The following PRKCD variants were observed in gnomAD, a reference collection of about 807,000 sequenced individuals.
The protein encoded by PRKCD is protein kinase C delta, also known as protein kinase C delta type.
In PRKCD, 20 loss-of-function variants were observed where a neutral mutation model predicts 82.2. The ratio of observed to expected loss-of-function variants is 0.24; its 90% CI spans 0.17 to 0.35. The LOEUF (loss-of-function observed/expected upper bound fraction) is 0.35. Ranked by LOEUF, PRKCD falls within the 10% of genes least tolerant of loss-of-function variation. The pLI, the probability that PRKCD is intolerant of heterozygous loss-of-function variation, is 1.00. For missense variants in PRKCD, 607 were observed against 899.0 expected (o/e 0.68, Z 4.15); for synonymous variants, 317 against 337.0 (o/e 0.94, Z 0.65).
chr3:53,182,883 C>A (rs1034783301), intron 7 of PRKCD, among the ~76,000 whole-genome samples: 1 of 152,226 alleles, frequency 6.6e-6, no homozygotes, highest in Non-Finnish European at 1.5e-5. Flanking sequence ...ACTAGGACTC[C>A]TTCTTTCTAA....
intron 2 of PRKCD, among the ~76,000 whole-genome samples, chr3:53,177,986 C>T (rs1232616625): frequency 6.8e-6 from 1 of 146,964 alleles, no homozygotes; most frequent in Non-Finnish European, 1.5e-5. Flanking sequence ...GCTCTTGTCA[C>T]CCAGGCTGGA....
At chr3:53,183,077 C>G (rs1262515537) in intron 7 of PRKCD, 44 bp from the exon 8 acceptor site, 8 of 1,598,806 alleles carry the variant, frequency 5.0e-6, no homozygotes, top group Non-Finnish European at 6.9e-6. Flanking sequence ...CTCTGCCCCT[C>G]CCGGTGCTTT....
At chr3:53,167,714 T>C (rs1575523964) in intron 2 of PRKCD, among the ~76,000 whole-genome samples, 3 of 152,206 alleles carry the variant, frequency 2.0e-5, no homozygotes, top group South Asian at 4.1e-4. Flanking sequence ...ATGGGAACTA[T>C]TCAAAAAATA....
Position 53,186,263 on chromosome 3 carries a change from A to G in PRKCD, c.1183A>G (p.Met395Val). The G allele has an allele frequency of 6.2e-7, 1 of 1,614,158 alleles. No individual in the cohort carries two copies. Among genetic ancestry groups the G allele is most frequent in the South Asian group, 1.1e-5 (1 of 91,088 alleles). Residue 395 changes from methionine (M) to valine (V), a missense_variant, in exon 13 of 19, where the codon ATG becomes GTG. Physicochemically the swap from Met to Val is conservative, Grantham distance 21 (BLOSUM62 1). Around this residue, in one of 5 missense-constraint regions of PRKCD, gnomAD observed 251 missense variants for 423.9 expected, o/e 0.59. Coordinates refer to ENST00000330452, the MANE Select transcript of PRKCD (RefSeq NM_006254.4). ...VLIDDDVECT[M>V]VEKRVLTLAA... is the part of the protein sequence containing the mutation. Reference sequence around the variant, plus strand: ...GATCGACGACGACGTGGAGTGCACCATGGTTGAGAAGCGGGTGCTGACACT... The same window carrying G: ...GATCGACGACGACGTGGAGTGCACCGTGGTTGAGAAGCGGGTGCTGACACT...
chr3:53,188,482 C>T (rs1392059113), intron 15 of PRKCD, among the ~76,000 whole-genome samples: 1 of 152,170 alleles, frequency 6.6e-6, no homozygotes, highest in African/African-American at 2.4e-5. Flanking sequence ...GTTTGAGCCC[C>T]ATTTGGGCTT....
intron 14 of PRKCD, among the ~76,000 whole-genome samples, 155 bp from the exon 15 acceptor site, chr3:53,187,185 A>G (rs1264261446): frequency 6.6e-6 from 1 of 151,366 alleles, no homozygotes; most frequent in Non-Finnish European, 1.5e-5. Context: ...GCCAGCCCCC[A>G]CTTGCCTGAT....
chr3:53,179,552 C>A (rs1553666740), intron 3 of PRKCD, 25 bp from the exon 4 acceptor site: 2 of 1,613,966 alleles, frequency 1.2e-6, no homozygotes, highest in East Asian at 2.2e-5. Flanking sequence ...CATGGCCCAA[C>A]CTTCTCTGCC....
In PRKCD at chr3:53,192,324, G is replaced by T; in HGVS notation, c.*58G>T. 6.3e-7 allele frequency: 1 copy of T among 1,584,510 alleles called. No homozygotes were observed. Among genetic ancestry groups the T allele is most frequent in the South Asian group, 1.1e-5 (1 of 90,032 alleles). ...CCACCCACACCTGCCCGCTCCCCAC[G>T]ATAAGCACCAGTGGGACTGTGGTGA... On this transcript the variant is annotated 3_prime_UTR_variant, in exon 19 of 19. Transcript: ENST00000330452.
intron 2 of PRKCD, chr3:53,173,634 A>C (rs1575528736): frequency 6.6e-6 from 1 of 152,216 alleles, no homozygotes; most frequent in Middle Eastern, 3.4e-3. Context: ...GGTGTCCGCC[A>C]CCACACCTGG....
At chr3:53,165,690 C>G (rs1055642217) in intron 2 of PRKCD, among the ~76,000 whole-genome samples, 10 of 152,204 alleles carry the variant, frequency 6.6e-5, no homozygotes, top group African/African-American at 2.2e-4. Flanking sequence ...GCTCCAGGTA[C>G]AGCTGAGCTG....
At chr3:53,188,242 T>G (rs569486055) in intron 15 of PRKCD, among the ~76,000 whole-genome samples, 2 of 141,626 alleles carry the variant, frequency 1.4e-5, no homozygotes, top group Non-Finnish European at 3.0e-5. Context: ...TGCTGCCATA[T>G]GCTTGTCCAC....
At chr3:53,172,028 C>T (rs976116590) in intron 2 of PRKCD, among the ~76,000 whole-genome samples, 6 of 151,748 alleles carry the variant, frequency 4.0e-5, no homozygotes, top group African/African-American at 7.3e-5. Context: ...CCAGGAGGAG[C>T]GCTGGCTGGG....
chr3:53,192,062 G>T (rs1553671018), intron 18 of PRKCD, 46 bp from the exon 19 acceptor site: 1 of 1,605,256 alleles, frequency 6.2e-7, no homozygotes, highest in Admixed American at 1.7e-5. Flanking sequence ...TGTCTGGAGG[G>T]CCATTCCCTA....
intron 14 of PRKCD, 37 bp downstream of exon 14, chr3:53,186,732 G>C: frequency 6.4e-7 from 1 of 1,560,158 alleles, no homozygotes; most frequent in Non-Finnish European, 8.8e-7. Context: ...GCCCAGTGTG[G>C]AGGAAGGGCT....
At chr3:53,183,053 C>A in intron 7 of PRKCD, 68 bp from the exon 8 acceptor site, 1 of 1,516,550 alleles carries the variant, frequency 6.6e-7, no homozygotes, top group Non-Finnish European at 9.2e-7. Flanking sequence ...GGTCGGCAGG[C>A]ACCAGCTCAT....
At chr3:53,175,387 A>G (rs1553665700) in intron 2 of PRKCD, among the ~76,000 whole-genome samples, 12 of 152,094 alleles carry the variant, frequency 7.9e-5, no homozygotes, top group Non-Finnish European at 1.5e-5. Flanking sequence ...CCCCCTCCCC[A>G]TGGCCTGTTG....
intron 2 of PRKCD, among the ~76,000 whole-genome samples, chr3:53,170,346 T>C (rs931465716): frequency 4.6e-5 from 7 of 152,232 alleles, no homozygotes; most frequent in Non-Finnish European, 7.3e-5. Context: ...GCTCAACCTC[T>C]CTTTCGGTTT....
intron 17 of PRKCD, 46 bp downstream of exon 17, chr3:53,189,292 C>G (rs1553670277): frequency 6.6e-7 from 1 of 1,525,046 alleles, no homozygotes. Flanking sequence ...TGGGCTGGGG[C>G]AGGGGCTGGC....
chr3:53,191,422 A>G (rs558532376), intron 18 of PRKCD, among the ~76,000 whole-genome samples: 107 of 149,228 alleles, frequency 7.2e-4, no homozygotes, highest in African/African-American at 2.6e-3. Context: ...TGAATAAATA[A>G]ATAAAAATAA....
Sources: allele counts gnomAD v4.1 joint callset (sites outside exome capture counted in the v4.1 genomes callset), GRCh38; gene constraint gnomAD v4.1.1; regional missense constraint gnomAD v4.1.1; transcripts MANE v1.5; gene names NCBI Gene and HGNC (gene_info 2026-07-23, HGNC 2026-07-21).